The following QSER1 variants were observed in gnomAD, a reference collection of about 807,000 sequenced individuals.
QSER1 encodes the protein glutamine and serine rich 1, also known as glutamine and serine-rich protein 1.
In QSER1, 49 loss-of-function variants were observed where a neutral mutation model predicts 158.5. The ratio of observed to expected loss-of-function variants is 0.31; its 90% confidence interval spans 0.25 to 0.39. The LOEUF (loss-of-function observed/expected upper bound fraction) is 0.39, where lower values mean the gene tolerates loss of function less well. QSER1 is among the 10% of genes least tolerant of loss of function. The pLI is 1.00. For synonymous variants in QSER1, 650 were observed against 715.5 expected (o/e 0.91, Z 1.46); for missense variants, 1,754 against 2,010.3 (o/e 0.87, Z 2.44).
intron 11 of QSER1, among the ~76,000 whole-genome samples, chr11:32,974,178 T>C (rs1012823132): frequency 6.6e-6 from 1 of 152,160 alleles, no homozygotes; most frequent in African/African-American, 2.4e-5. Flanking sequence ...CCCAGCACTT[T>C]GGGAGGCTGA....
intron 1 of QSER1, among the ~76,000 whole-genome samples, chr11:32,905,170 A>G (rs1851675930): frequency 6.6e-6 from 1 of 152,222 alleles, no homozygotes; most frequent in Non-Finnish European, 1.5e-5. Context: ...ACATAAAATA[A>G]TGAAATTTTC....
chr11:32,973,321 C>A, intron 10 of QSER1, 76 bp from the exon 11 acceptor site: 2 of 1,509,830 alleles, frequency 1.3e-6, no homozygotes, highest in Non-Finnish European at 1.8e-6. Context: ...ACACACACTT[C>A]TAAATTTTAG....
At chr11:32,957,124 C>CTTTTTTTTTCTTTTTTT (rs1264075305) in intron 7 of QSER1, among the ~76,000 whole-genome samples, 1 of 140,240 alleles carries the variant, frequency 7.1e-6, no homozygotes, top group African/African-American at 2.6e-5. Flanking sequence ...TCTTTTTTTT[C>CTTTTTTTTTCTTTTTTT]TTTTTTTTTC....
chr11:32,971,201 A>G (rs1274405939), intron 10 of QSER1, among the ~76,000 whole-genome samples: 1 of 152,078 alleles, frequency 6.6e-6, no homozygotes, highest in Non-Finnish European at 1.5e-5. Context: ...TACAGGTGTA[A>G]TCCATGCCCA....
intron 8 of QSER1, among the ~76,000 whole-genome samples, chr11:32,964,032 G>T (rs1590184314): frequency 6.6e-6 from 1 of 152,240 alleles, no homozygotes; most frequent in East Asian, 1.9e-4. Flanking sequence ...GAGTAGAGTG[G>T]CACCTTTTTA....
intron 4 of QSER1, among the ~76,000 whole-genome samples, chr11:32,952,384 A>G (rs535370157): frequency 5.8e-4 from 54 of 92,706 alleles, no homozygotes; most frequent in African/African-American, 1.7e-3. Context: ...CTGTGCTCCT[A>G]TGCTGTTTTC....
intron 4 of QSER1, among the ~76,000 whole-genome samples, chr11:32,942,432 G>C (rs1852256052): frequency 6.8e-6 from 1 of 146,912 alleles, no homozygotes; most frequent in Non-Finnish European, 1.5e-5. Flanking sequence ...AAGGGATCCA[G>C]TTTCAGCTTT....
At chr11:32,970,923 T>C (rs1852840571) in intron 10 of QSER1, among the ~76,000 whole-genome samples, 1 of 149,036 alleles carries the variant, frequency 6.7e-6, no homozygotes, top group African/African-American at 2.5e-5. Flanking sequence ...TTAATTTTGA[T>C]AATTGTCATA....
chr11:32,934,962 G>T lies in QSER1; in HGVS notation c.3704G>T (p.Gly1235Val). Residue 1235 changes from glycine (G) to valine (V), a missense_variant, in exon 4 of 13, where the codon GGA becomes GTA. This residue lies in a region of QSER1 where 1,707 missense variants were observed against 1,919.6 expected (regional missense o/e 0.89). Coordinates refer to ENST00000650167, the MANE Select transcript of QSER1 (RefSeq NM_001076786.3). ...PAQGKRQNPRGTDIYLPYTPP... is the reference protein window; with the variant it reads ...PAQGKRQNPRVTDIYLPYTPP... ...CAAGGCAAACGCCAGAATCCAAGGG[G>T]AACAGATATTTACTTACCGTATACT... 1 of 1,614,108 alleles carries T rather than the reference G, an allele frequency of 6.2e-7. No homozygotes were observed. The highest frequency in any genetic ancestry group is 8.5e-7 in the Non-Finnish European group (1 of 1,180,008).
chr11:32,903,351 G>T lies in QSER1; in HGVS notation c.209+10017G>T, dbSNP rs542918507. Among the ~76,000 whole-genome samples, 88 of 150,218 alleles carry T rather than the reference G, an allele frequency of 5.9e-4. 1 individual carries two copies. The highest frequency in any genetic ancestry group is 2.1e-3 in the African/African-American group (84 of 40,674). ...AAAACCAAGATCCTGAGGTGAATGG[G>T]TTGAGACAGCTAATTAGAAAATGAA... On this transcript the variant is annotated intron_variant, in intron 1 of 12. Coordinates refer to ENST00000650167, the MANE Select transcript of QSER1 (RefSeq NM_001076786.3).
intron 1 of QSER1, among the ~76,000 whole-genome samples, chr11:32,923,157 A>C (rs1226183635): frequency 6.6e-6 from 1 of 152,232 alleles, no homozygotes; most frequent in African/African-American, 2.4e-5. Flanking sequence ...ACATAGATGA[A>C]TCTCAGAGGT....
rs1420539768 is a variant in QSER1 at position 32,932,831 on chromosome 11, T to C, written c.1573T>C (p.Ser525Pro). 5 of 1,613,956 alleles carry C rather than the reference T, an allele frequency of 3.1e-6. No homozygotes were observed. The South Asian group carries it at 4.4e-5, about 14-fold the overall frequency. Residue 525 changes from serine (S) to proline (P), a missense_variant, in exon 4 of 13, where the codon TCT becomes CCT. By Grantham distance (74) the Ser-to-Pro change is moderately conservative (BLOSUM62 -1). This residue lies in a region of QSER1 where 1,707 missense variants were observed against 1,919.6 expected (regional missense o/e 0.89). Transcript: ENST00000650167. ...TPENQTLNYS[S>P]NQQEVLSSVT... Reference sequence around the variant, plus strand: ...TGAAAATCAGACGCTTAATTATTCATCTAATCAGCAAGAGGTATTGTCTTC... The same window carrying C: ...TGAAAATCAGACGCTTAATTATTCACCTAATCAGCAAGAGGTATTGTCTTC...
At chr11:32,912,755 T>A (rs984042865) in intron 1 of QSER1, among the ~76,000 whole-genome samples, 4 of 151,862 alleles carry the variant, frequency 2.6e-5, no homozygotes, top group Non-Finnish European at 4.4e-5. Flanking sequence ...TAAAAAGATA[T>A]TTAAAAAACT....
intron 4 of QSER1, 22 bp downstream of exon 4, chr11:32,935,457 T>G (rs781578695): frequency 2.1e-6 from 3 of 1,436,380 alleles, no homozygotes; most frequent in Admixed American, 2.4e-5. Context: ...CAATTTAGAT[T>G]CATAATTATT....
chr11:32,892,838 G>C lies in QSER1; in HGVS notation c.-288G>C, dbSNP rs1396932451. On this transcript the variant is annotated 5_prime_UTR_variant, in exon 1 of 13. Transcript: ENST00000650167. The stretch of plus-strand genomic sequence containing the variant: ...CCTGGGAAATCCACCAACATGGGGC[G>C]CAGCGGCCGCCGCCGCCGCCGCCGT... 1.0e-5 allele frequency among the ~76,000 whole-genome samples: 1 copy of C among 97,362 alleles called. No individual in the cohort carries two copies. Among genetic ancestry groups the C allele is most frequent in the East Asian group, 3.8e-4 (1 of 2,640 alleles). 63.9% of individuals were successfully genotyped at this position (97,362 alleles called of 152,430 possible). A position where few individuals can be genotyped will look rare whatever the true frequency, so the allele number is the denominator to read the frequency against.
rs754588466 is a variant in QSER1 at position 32,976,348 on chromosome 11, G to GA, written c.5477dup (p.Asn1826LysfsTer2). 16 of 1,585,744 alleles carry GA rather than the reference G, an allele frequency of 1.0e-5. No homozygotes were observed. Among genetic ancestry groups the GA allele is most frequent in the Admixed American group, 3.9e-5 (2 of 51,798 alleles). Reference sequence around the variant, plus strand: ...TCTTTTTTTAGATTTCTTCGGTGCAGAAAAAAAATGAAGATTTAGGACAGG... The same window carrying GA: ...TCTTTTTTTAGATTTCTTCGGTGCAGAAAAAAAAATGAAGATTTAGGACAGG... On this transcript the variant is annotated frameshift_variant, in exon 13 of 13. Coordinates refer to ENST00000650167, the MANE Select transcript of QSER1 (RefSeq NM_001076786.3). LOFTEE classifies it high-confidence loss of function.
Position 32,955,468 on chromosome 11 carries a change from CAAT to C in QSER1, c.4617+57_4617+59del, listed in dbSNP as rs1449216599. Reference sequence around the variant, plus strand: ...ATTTTGACAGTGGTCCTGAGAAAAACAATGATTTAAATATAGAAGTATTTTATA... The same window carrying C: ...ATTTTGACAGTGGTCCTGAGAAAAACGATTTAAATATAGAAGTATTTTATA... On this transcript the variant is annotated intron_variant, in intron 6 of 12. Coordinates refer to ENST00000650167, the MANE Select transcript of QSER1 (RefSeq NM_001076786.3). 1.5e-5 allele frequency: 12 copies of C among 820,180 alleles called. No homozygotes were observed. The East Asian group carries it at 3.3e-4, about 22-fold the overall frequency. 50.8% of individuals were successfully genotyped at this position (820,180 alleles called of 1,614,324 possible). A position where few individuals can be genotyped will look rare whatever the true frequency, so the allele number is the denominator to read the frequency against.
At chr11:32,954,245 A>G (rs1197701767) in intron 5 of QSER1, 66 bp downstream of exon 5, 3 of 1,533,646 alleles carry the variant, frequency 2.0e-6, no homozygotes, top group Admixed American at 3.8e-5. Flanking sequence ...AGCCTTCATT[A>G]TGACTTCAAT....
At chr11:32,900,490 C>T (rs572153325) in intron 1 of QSER1, among the ~76,000 whole-genome samples, 1 of 149,856 alleles carries the variant, frequency 6.7e-6, no homozygotes, top group African/African-American at 2.5e-5. Context: ...ACTCAGGAGG[C>T]GGAGACTGCA....
Sources: gnomAD v4.1 joint callset for allele counts (sites outside exome capture counted in the v4.1 genomes callset) on GRCh38, gnomAD v4.1.1 for gene constraint, gnomAD v4.1.1 regional missense constraint, MANE v1.5 for transcripts, NCBI Gene and HGNC (gene_info 2026-07-23, HGNC 2026-07-21) for gene names.